The following BLM variants were observed in gnomAD, a reference collection of about 807,000 sequenced individuals.
BLM encodes BLM RecQ like helicase, also known as recQ-like DNA helicase BLM.
A neutral mutation model predicts 135.3 loss-of-function variants in BLM; 95 were observed. The ratio of observed to expected loss-of-function variants is 0.70; its 90% confidence interval spans 0.59 to 0.83. BLM has a LOEUF of 0.83. Among genes scored for constraint, BLM ranks in the 40% least tolerant of loss-of-function variants. BLM has a pLI of 0.00. For missense variants in BLM, 1,518 were observed against 1,663.9 expected, an observed-to-expected ratio of 0.91 and a Z score of 1.53; for synonymous variants, 520 against 589.2, an observed-to-expected ratio of 0.88 and a Z score of 1.70.
chr15:90,805,259 A>G (rs369670923), intron 19 of BLM, among the ~76,000 whole-genome samples: 6 of 60,196 alleles, frequency 1.0e-4, no homozygotes, highest in African/African-American at 2.2e-4. Flanking sequence ...ATGGTACCCT[A>G]TGTATGTTAT....
intron 4 of BLM, 117 bp downstream of exon 4, chr15:90,752,063 A>G (rs766958628): frequency 1.9e-6 from 2 of 1,026,228 alleles, no homozygotes; most frequent in Non-Finnish European, 2.8e-6. Context: ...CAATTATTTT[A>G]CATTCAAGTG....
rs1897233523 is a variant in BLM at position 90,804,214 on chromosome 15, A to T, written c.3606A>T (p.Lys1202Asn). 1 of 1,614,216 alleles carries T rather than the reference A, an allele frequency of 6.2e-7. No homozygotes were observed. Among genetic ancestry groups the T allele is most frequent in the African/African-American group, 1.3e-5 (1 of 75,062 alleles). ...ATTCCAGCAGTGTGAAAAAACAAAA[A>T]GCGTTAGTAGCAAAAGTGTCTCAGA... The part of the protein sequence containing the change: ...TENSSSVKKQ[K>N]ALVAKVSQRE... The change falls in exon 19 of 22, where the codon AAA (lysine) becomes AAT (asparagine). Residue 1202 changes from lysine to asparagine, a missense_variant. Physicochemically the swap from Lys to Asn is moderately conservative, Grantham distance 94. Coordinates refer to ENST00000355112, the MANE Select transcript of BLM (RefSeq NM_000057.4).
In BLM at chr15:90,749,894, C is replaced by T. The variant is rs1596218994; in HGVS notation, c.626C>T (p.Pro209Leu). The change falls in exon 3 of 22, where the codon CCT (proline) becomes CTT (leucine). Residue 209 changes from proline (P) to leucine (L), a missense_variant. By Grantham distance (98) the Pro-to-Leu change is moderately conservative. Around this residue, in one of 5 missense-constraint regions of BLM, gnomAD observed 724 missense variants for 756.9 expected, o/e 0.96. Transcript: ENST00000355112. ...ACAAACACAGTAAAGACTGATTTGC[C>T]TCCACCCTCCTCTGAAAGCGAGCAA... ...YTTNTVKTDL[P>L]PPSSESEQID... The T allele has an allele frequency of 6.2e-7, 1 of 1,612,256 alleles. No individual in the cohort carries two copies. Among genetic ancestry groups the T allele is most frequent in the East Asian group, 2.2e-5 (1 of 44,848 alleles).
chr15:90,735,882 A>C (rs1170871097), intron 1 of BLM, among the ~76,000 whole-genome samples: 2 of 152,186 alleles, frequency 1.3e-5, no homozygotes, highest in Non-Finnish European at 2.9e-5. Context: ...AATCTGCAAA[A>C]TACATTTTAA....
chr15:90,811,044 T>TA (rs35422554), intron 20 of BLM, among the ~76,000 whole-genome samples, 161 bp from the exon 21 acceptor site: 2 of 152,066 alleles, frequency 1.3e-5, no homozygotes, highest in Non-Finnish European at 1.5e-5. Flanking sequence ...CTTTGTGCAG[T>TA]AAAAAAAGGT....
At chr15:90,764,748 C>T (rs1896077323) in intron 8 of BLM, among the ~76,000 whole-genome samples, 1 of 152,134 alleles carries the variant, frequency 6.6e-6, no homozygotes, top group Non-Finnish European at 1.5e-5. Context: ...TTTTAAGTTT[C>T]CTGCCCTAAT....
At chr15:90,776,503 G>A (rs567283832) in intron 12 of BLM, among the ~76,000 whole-genome samples, 2 of 151,950 alleles carry the variant, frequency 1.3e-5, no homozygotes, top group African/African-American at 2.4e-5. Flanking sequence ...TGTGTGATAC[G>A]CTTTTCTAAT....
chr15:90,755,243 CA>C, intron 5 of BLM: 1 of 354,864 alleles, frequency 2.8e-6, no homozygotes, highest in Non-Finnish European at 5.2e-6. Context: ...TTTTTATTTA[CA>C]AATGAGAACT....
intron 1 of BLM, among the ~76,000 whole-genome samples, chr15:90,741,120 A>G (rs1351285703): frequency 1.3e-5 from 2 of 152,152 alleles, no homozygotes; most frequent in African/African-American, 2.4e-5. Context: ...TGCTTTTATT[A>G]TAGCTACTTT....
intron 1 of BLM, among the ~76,000 whole-genome samples, chr15:90,741,661 T>C (rs909342495): frequency 1.3e-5 from 2 of 152,242 alleles, no homozygotes; most frequent in African/African-American, 4.8e-5. Flanking sequence ...ATATTTATCT[T>C]TAGCCACTTT....
At chr15:90,769,263 G>T (rs778782976) in intron 11 of BLM, 32 bp downstream of exon 11, 3 of 1,559,132 alleles carry the variant, frequency 1.9e-6, no homozygotes, top group Middle Eastern at 1.7e-4. Flanking sequence ...CGGAAATACC[G>T]ATAAATACAT....
chr15:90,768,772 C>G (rs1407672934), intron 10 of BLM, among the ~76,000 whole-genome samples: 1 of 152,210 alleles, frequency 6.6e-6, no homozygotes, highest in Non-Finnish European at 1.5e-5. Flanking sequence ...TGTTACCAGG[C>G]TGGAGTGCAG....
intron 12 of BLM, among the ~76,000 whole-genome samples, chr15:90,777,095 AGCCTCCTGAGTAGCTG>A (rs1209308619): frequency 6.7e-6 from 1 of 150,174 alleles, no homozygotes; most frequent in African/African-American, 2.5e-5. Flanking sequence ...TTCCTGCCCT[AGCCTCCTGAGTAGCTG>A]GGACTACAGG....
chr15:90,780,784 T>G (rs1307342202), intron 12 of BLM, among the ~76,000 whole-genome samples: 1 of 152,218 alleles, frequency 6.6e-6, no homozygotes, highest in Non-Finnish European at 1.5e-5. Context: ...TGTCACATAG[T>G]TACTGACAGT....
At chr15:90,748,344 G>A (rs1895564730) in intron 2 of BLM, among the ~76,000 whole-genome samples, 1 of 150,596 alleles carries the variant, frequency 6.6e-6, no homozygotes, top group African/African-American at 2.4e-5. Flanking sequence ...CTGACCTCAA[G>A]TGATCCGCCC....
intron 12 of BLM, among the ~76,000 whole-genome samples, chr15:90,775,092 G>A (rs981945289): frequency 6.6e-6 from 1 of 152,176 alleles, no homozygotes; most frequent in African/African-American, 2.4e-5. Context: ...AGCCCTTCAG[G>A]AACTTATTGC....
intron 14 of BLM, among the ~76,000 whole-genome samples, chr15:90,787,823 A>C (rs980720662): frequency 1.3e-5 from 2 of 152,048 alleles, no homozygotes; most frequent in Non-Finnish European, 2.9e-5. Context: ...GGTGATGGGC[A>C]TCTGTAGTCC....
In BLM at chr15:90,717,784, A is replaced by G. The variant is rs537381750; in HGVS notation, c.-5+344A>G. The stretch of plus-strand genomic sequence containing the variant: ...AATCCCAGCCCAGACCTCTGGCACT[A>G]CTACCTCCGTGTCCCTCCTGAGGAA... On this transcript the variant is annotated intron_variant, in intron 1 of 21. Transcript: ENST00000355112. Among the ~76,000 whole-genome samples the G allele has an allele frequency of 4.6e-5, 7 of 152,286 alleles. No individual in the cohort carries two copies. In the South Asian group the frequency reaches 6.2e-4, roughly 14 times the overall value.
chr15:90,775,495 ATT>A (rs1398837648), intron 12 of BLM, among the ~76,000 whole-genome samples: 1,529 of 145,578 alleles, frequency 0.011, 35 homozygotes, highest in African/African-American at 0.037. Context: ...GTGTGTTTTT[ATT>A]TTTTATATAT....
Sources: gnomAD v4.1 joint callset for allele counts (sites outside exome capture counted in the v4.1 genomes callset) on GRCh38, gnomAD v4.1.1 for gene constraint, gnomAD v4.1.1 regional missense constraint, MANE v1.5 for transcripts, NCBI Gene and HGNC (gene_info 2026-07-23, HGNC 2026-07-21) for gene names.